PUDP: variants seen among roughly 807,000 people sequenced by gnomAD.
The protein encoded by PUDP is pseudouridine-5'-phosphatase.
A neutral mutation model predicts 9.4 loss-of-function variants in PUDP; 8 were observed. The ratio of observed to expected loss-of-function variants is 0.85; its 90% CI spans 0.50 to 1.53. The LOEUF is 1.53. PUDP is among the 40% of genes most tolerant of loss of function. The pLI is 0.00. For synonymous variants in PUDP, 99 were observed against 80.7 expected, an observed-to-expected ratio of 1.23 and a Z score of -1.22; for missense variants, 188 against 189.7, an observed-to-expected ratio of 0.99 and a Z score of 0.05.
intron 3 of PUDP, among the ~76,000 whole-genome samples, chrX:6,805,013 T>C (rs1235078020): frequency 1.8e-5 from 2 of 111,873 alleles, no homozygotes; most frequent in Non-Finnish European, 3.8e-5. Flanking sequence ...ATGCCTGTAA[T>C]TCCAGCACTT....
intron 1 of PUDP, among the ~76,000 whole-genome samples, chrX:7,017,821 G>C (rs1373123525): frequency 1.8e-5 from 2 of 111,995 alleles, no homozygotes; most frequent in African/African-American, 6.5e-5. Flanking sequence ...GTAAAATGAG[G>C]CTGAGACCTA....
chrX:6,818,197 C>T (rs1602632745), intron 3 of PUDP, among the ~76,000 whole-genome samples: 1 of 112,273 alleles, frequency 8.9e-6, no homozygotes, highest in Admixed American at 9.5e-5. Flanking sequence ...TTATTTTGAG[C>T]TCTTCCTTCA....
intron 3 of PUDP, among the ~76,000 whole-genome samples, chrX:6,796,261 C>T (rs897784331): frequency 6.2e-5 from 7 of 112,112 alleles, no homozygotes; most frequent in South Asian, 3.8e-4. Flanking sequence ...ATATCACTAG[C>T]GATGCATGAA....
chrX:6,832,924 GAATA>G (rs1405563453), intron 3 of PUDP, among the ~76,000 whole-genome samples: 1 of 110,130 alleles, frequency 9.1e-6, no homozygotes, highest in Non-Finnish European at 1.9e-5. Flanking sequence ...ATCTGCCTTA[GAATA>G]AATAATTTAC....
chrX:6,738,126 C>T (rs1924895054), intron 3 of PUDP, among the ~76,000 whole-genome samples: 1 of 111,424 alleles, frequency 9.0e-6, no homozygotes, highest in Non-Finnish European at 1.9e-5. Flanking sequence ...CTTGATGCAA[C>T]TCTTGGTTTC....
chrX:6,888,479 TA>T (rs1182849087), intron 3 of PUDP, among the ~76,000 whole-genome samples: 54 of 100,620 alleles, frequency 5.4e-4, no homozygotes, highest in Middle Eastern at 5.0e-3. Context: ...CCATCTCTAC[TA>T]AAAAAAAAAA....
intron 3 of PUDP, among the ~76,000 whole-genome samples, chrX:6,773,362 G>A (rs1266933600): frequency 9.0e-6 from 1 of 111,723 alleles, no homozygotes; most frequent in East Asian, 2.8e-4. Context: ...GAAATTTAGG[G>A]TTGCCCTTAA....
chrX:7,101,072 A>G (rs1052620908), intron 2 of PUDP, among the ~76,000 whole-genome samples: 1 of 112,130 alleles, frequency 8.9e-6, no homozygotes. Flanking sequence ...TACCTTGTGC[A>G]TTTCTGTATA....
In PUDP at chrX:7,000,901, A is replaced by G. The variant is rs1243508469; in HGVS notation, c.205-22558T>C. On this transcript the variant is annotated intron_variant and NMD_transcript_variant, in intron 1 of 3. Coordinates refer to the PUDP transcript ENST00000655425. ...TGTTAGTGAGATTATATTATATTAC[A>G]TATAATATAATATTAAATAATTGTA... Among the ~76,000 whole-genome samples, 11 of 108,105 alleles carry G rather than the reference A, an allele frequency of 1.0e-4. No homozygotes were observed. In the East Asian group the frequency reaches 3.2e-3, roughly 31 times the overall value. 93.9% of individuals were successfully genotyped at this position (108,105 alleles called of 115,157 possible).
intron 3 of PUDP, among the ~76,000 whole-genome samples, chrX:6,961,946 G>A (rs760030360): frequency 3.6e-5 from 4 of 112,377 alleles, no homozygotes; most frequent in African/African-American, 1.3e-4. Flanking sequence ...TCTGAAGAGT[G>A]GAAACCTGCT....
chrX:6,816,802 CAATA>C (rs1477856575), intron 3 of PUDP, among the ~76,000 whole-genome samples: 2 of 91,822 alleles, frequency 2.2e-5, no homozygotes, highest in Non-Finnish European at 4.1e-5. Context: ...ATAGTATATA[CAATA>C]TATATACACA....
At chrX:6,797,380 T>C (rs1015085235) in intron 3 of PUDP, among the ~76,000 whole-genome samples, 1 of 111,607 alleles carries the variant, frequency 9.0e-6, no homozygotes, top group Non-Finnish European at 1.9e-5. Flanking sequence ...GGTTGGTTTA[T>C]TGGATCAATA....
upstream of PUDP, among the ~76,000 whole-genome samples, chrX:6,722,154 T>A (rs1729967052): frequency 9.1e-6 from 1 of 110,357 alleles, no homozygotes. Flanking sequence ...GGATTAAAAA[T>A]CTAAATTTGT....
At chrX:7,007,682 T>A (rs1225097830) in intron 1 of PUDP, among the ~76,000 whole-genome samples, 2 of 112,410 alleles carry the variant, frequency 1.8e-5, no homozygotes, top group Admixed American at 9.4e-5. Flanking sequence ...AAATCATTCC[T>A]CATATTTCCC....
intron 3 of PUDP, among the ~76,000 whole-genome samples, chrX:6,944,402 T>C (rs1928437346): frequency 9.0e-6 from 1 of 111,530 alleles, no homozygotes; most frequent in South Asian, 3.8e-4. Flanking sequence ...AATGAACTAA[T>C]ACATGGAATG....
intron 1 of PUDP, among the ~76,000 whole-genome samples, chrX:7,146,039 G>A (rs1932850448): frequency 8.9e-6 from 1 of 111,752 alleles, no homozygotes; most frequent in Non-Finnish European, 1.9e-5. Flanking sequence ...GAAAGAATGG[G>A]ATAAACAAAG....
intron 1 of PUDP, among the ~76,000 whole-genome samples, chrX:7,141,932 A>G (rs1932799236): frequency 8.9e-6 from 1 of 112,465 alleles, no homozygotes; most frequent in African/African-American, 3.2e-5. Context: ...AGCATGGTTT[A>G]CCGAATATTT....
chrX:6,706,487 G>A (rs936224391), intron 1 of PUDP: 15 of 111,370 alleles, frequency 1.3e-4, no homozygotes, highest in African/African-American at 4.9e-4. Flanking sequence ...TAAATAAATA[G>A]GTTAAAATGA....
chrX:6,972,179 C>T (rs952483314), intron 3 of PUDP, among the ~76,000 whole-genome samples: 1 of 111,819 alleles, frequency 8.9e-6, no homozygotes, highest in Non-Finnish European at 1.9e-5. Flanking sequence ...GACCTCTCTT[C>T]CTATTTGAAC....
Sources: gnomAD v4.1 joint callset for allele counts (sites outside exome capture counted in the v4.1 genomes callset) on GRCh38, gnomAD v4.1.1 for gene constraint, MANE v1.5 for transcripts, NCBI Gene and HGNC (gene_info 2026-07-23, HGNC 2026-07-21) for gene names.